The following NRG3 variants were observed in gnomAD, a reference collection of about 807,000 sequenced individuals.
The protein encoded by NRG3 is neuregulin 3.
A neutral mutation model predicts 66.9 loss-of-function variants in NRG3; 31 were observed. That is an observed-to-expected ratio of 0.46 (90% CI 0.35 to 0.63). NRG3 has a LOEUF of 0.63. Ranked by LOEUF, NRG3 falls within the 20% of genes least tolerant of loss-of-function variation. The pLI is 0.00. For missense variants in NRG3, 910 were observed against 878.9 expected, an observed-to-expected ratio of 1.04 and a Z score of -0.45; for synonymous variants, 393 against 359.4, an observed-to-expected ratio of 1.09 and a Z score of -1.06.
intron 2 of NRG3, among the ~76,000 whole-genome samples, chr10:82,498,109 CTT>C (rs1027219057): frequency 8.0e-5 from 12 of 150,054 alleles, no homozygotes; most frequent in South Asian, 2.1e-4. Flanking sequence ...TTTCTAATGA[CTT>C]GTGTCAGTTT....
At chr10:82,433,995 G>A (rs984412242) in intron 2 of NRG3, among the ~76,000 whole-genome samples, 1 of 152,138 alleles carries the variant, frequency 6.6e-6, no homozygotes, top group African/African-American at 2.4e-5. Flanking sequence ...GAATGTCAAT[G>A]GTAGTTTGAT....
intron 2 of NRG3, among the ~76,000 whole-genome samples, chr10:82,519,595 C>A (rs1357921585): frequency 6.6e-6 from 1 of 152,200 alleles, no homozygotes; most frequent in Non-Finnish European, 1.5e-5. Context: ...CCAGCCTGGT[C>A]CCATCTCTCT....
intron 1 of NRG3, among the ~76,000 whole-genome samples, chr10:81,953,372 C>T (rs927932307): frequency 1.3e-5 from 2 of 152,086 alleles, no homozygotes. Flanking sequence ...TGGAAATAGA[C>T]CTAACACCCC....
At chr10:82,017,910 G>C (rs565118578) in intron 1 of NRG3, among the ~76,000 whole-genome samples, 7 of 152,318 alleles carry the variant, frequency 4.6e-5, no homozygotes, top group African/African-American at 1.7e-4. Flanking sequence ...TCTGATGGCA[G>C]TTTCTTTTGC....
rs74144349 is a variant in NRG3 at position 82,808,483 on chromosome 10, C to A, written c.1028-56928C>A. On this transcript the variant is annotated intron_variant, in intron 3 of 8. Transcript: ENST00000372141. Reference sequence around the variant, plus strand: ...TATGTAATTAAACACACACATTTTTCTTTTAATTTTGAGATATTTTTATGA... The same window carrying A: ...TATGTAATTAAACACACACATTTTTATTTTAATTTTGAGATATTTTTATGA... 1.3e-3 allele frequency among the ~76,000 whole-genome samples: 201 copies of A among 152,082 alleles called. 1 individual carries two copies. The highest frequency in any genetic ancestry group is 4.6e-3 in the African/African-American group (193 of 41,524).
intron 1 of NRG3, among the ~76,000 whole-genome samples, chr10:82,061,076 T>A (rs2064115676): frequency 1.3e-5 from 2 of 152,168 alleles, no homozygotes; most frequent in Non-Finnish European, 2.9e-5. Flanking sequence ...TATGTGATAA[T>A]CTTTGGTGGC....
At position 82,243,497 on chromosome 10, in the gene NRG3, A is replaced by T. The variant is rs534798087; in HGVS notation, c.824-115242A>T. Among the ~76,000 whole-genome samples the T allele has an allele frequency of 3.2e-3, 491 of 152,276 alleles. 3 individuals are homozygous for T. The highest frequency in any genetic ancestry group is 6.8e-3 in the Middle Eastern group (2 of 294). ...ATGAAAATTCATAATACTAGAGTTA[A>T]AGAAAAAAATTTAAGGTCTTTAGAA... is the stretch of plus-strand genomic sequence containing the variant. On this transcript the variant is annotated intron_variant, in intron 1 of 8. Coordinates refer to ENST00000372141, the MANE Select transcript of NRG3 (RefSeq NM_001010848.4).
intron 2 of NRG3, among the ~76,000 whole-genome samples, chr10:82,604,523 A>G (rs527490338): frequency 5.1e-4 from 78 of 152,244 alleles, no homozygotes; most frequent in African/African-American, 1.7e-3. Context: ...TGTGTAGACA[A>G]TTTCAAACTC....
Position 81,875,738 on chromosome 10 carries a change from C to T in NRG3, c.398C>T (p.Ser133Phe). ...ATGGAGACCACCACCACTACCACTT[C>T]CACCACGTCCCCCGCCACCCCCTCC... ...KAMETTTTTT[S>F]TTSPATPSAG... The change falls in exon 1 of 9, where the codon TCC (serine) becomes TTC (phenylalanine). Residue 133 changes from serine (S) to phenylalanine (F), a missense_variant. Coordinates refer to ENST00000372141, the MANE Select transcript of NRG3 (RefSeq NM_001010848.4). The surrounding 1 kb of genome is among the most constrained non-coding windows in gnomAD (Gnocchi z 5.3). The T allele has an allele frequency of 6.2e-7, 1 of 1,613,112 alleles. No homozygotes were observed. Among genetic ancestry groups the T allele is most frequent in the Non-Finnish European group, 8.5e-7 (1 of 1,179,854 alleles).
At chr10:82,193,653 A>G (rs60097072) in intron 1 of NRG3, among the ~76,000 whole-genome samples, 1,691 of 152,288 alleles carry the variant, frequency 0.011, 29 homozygotes, top group African/African-American at 0.039. Flanking sequence ...GCTGGTTGAC[A>G]GAATTGATGT....
chr10:82,345,221 A>G (rs1320791619), intron 1 of NRG3, among the ~76,000 whole-genome samples: 1 of 141,386 alleles, frequency 7.1e-6, no homozygotes, highest in Non-Finnish European at 1.5e-5. Context: ...TCTTTAATCC[A>G]TCTTGAATTC....
intron 3 of NRG3, among the ~76,000 whole-genome samples, chr10:82,815,304 C>T (rs2061659692): frequency 6.6e-6 from 1 of 152,178 alleles, no homozygotes; most frequent in Non-Finnish European, 1.5e-5. Context: ...CTGCTCTTTA[C>T]TCTTTGGCCC....
At chr10:82,192,972 TGA>T (rs5786538) in intron 1 of NRG3, among the ~76,000 whole-genome samples, 103,132 of 139,628 alleles carry the variant, frequency 0.74, 36,382 homozygotes, top group South Asian at 0.83. Flanking sequence ...AGGAAGAAAG[TGA>T]GAGAGAGAGA....
chr10:82,825,112 C>T (rs1013782963), intron 3 of NRG3, among the ~76,000 whole-genome samples: 11 of 152,254 alleles, frequency 7.2e-5, no homozygotes, highest in Admixed American at 5.9e-4. Context: ...CTCCCATTCT[C>T]TATGCTGTCT....
chr10:82,937,197 T>C (rs1389448406), intron 4 of NRG3, among the ~76,000 whole-genome samples: 1 of 152,202 alleles, frequency 6.6e-6, no homozygotes, highest in Non-Finnish European at 1.5e-5. Context: ...CTATGATATA[T>C]TAAAATAATG....
At chr10:82,044,886 G>T (rs2063205553) in intron 1 of NRG3, among the ~76,000 whole-genome samples, 1 of 151,856 alleles carries the variant, frequency 6.6e-6, no homozygotes, top group Admixed American at 6.6e-5. Flanking sequence ...TCCCTACAAA[G>T]GATATGAACT....
At chr10:82,470,451 A>G (rs891619197) in intron 2 of NRG3, among the ~76,000 whole-genome samples, 14 of 152,246 alleles carry the variant, frequency 9.2e-5, no homozygotes, top group South Asian at 8.3e-4. Context: ...ACTCAATAAA[A>G]GAGAACGATA....
In NRG3 at chr10:82,759,107, T is replaced by C. The variant is rs575659100; in HGVS notation, c.1027+20457T>C. On this transcript the variant is annotated intron_variant, in intron 3 of 8. Coordinates refer to ENST00000372141, the MANE Select transcript of NRG3 (RefSeq NM_001010848.4). ...ATCTGTCATGAAGAGATTAATGTCC[T>C]CTTACAAGTAAGTTCTCCATCTAAA... 4.2e-4 allele frequency among the ~76,000 whole-genome samples: 64 copies of C among 152,220 alleles called. 2 individuals carry two copies. In the South Asian group the frequency reaches 0.013, roughly 30 times the overall value.
At chr10:82,484,458 A>G (rs775529113) in intron 2 of NRG3, among the ~76,000 whole-genome samples, 1 of 152,244 alleles carries the variant, frequency 6.6e-6, no homozygotes, top group Admixed American at 6.5e-5. Flanking sequence ...TGCCTGGCAC[A>G]AGTCAACAAT....
Sources: allele counts gnomAD v4.1 joint callset (sites outside exome capture counted in the v4.1 genomes callset), GRCh38; gene constraint gnomAD v4.1.1; non-coding constraint Gnocchi (gnomAD v3.1); transcripts MANE v1.5; gene names NCBI Gene and HGNC (gene_info 2026-07-23, HGNC 2026-07-21).